Variants in ZNF804A observed in about 807,000 individuals in gnomAD.
ZNF804A encodes the protein zinc finger protein 804A.
In ZNF804A, 2 loss-of-function variants were observed where a neutral mutation model predicts 16.5. That is an observed-to-expected ratio of 0.12 (90% CI 0.05 to 0.38). The LOEUF is 0.38. Ranked by LOEUF, ZNF804A falls within the 10% of genes least tolerant of loss-of-function variation. ZNF804A has a pLI of 0.99. For missense variants in ZNF804A, 1,473 were observed against 1,390.7 expected, an observed-to-expected ratio of 1.06 and a Z score of -0.94; for synonymous variants, 534 against 489.6, an observed-to-expected ratio of 1.09 and a Z score of -1.20.
At chr2:184,616,685 C>T (rs1691326568) in intron 1 of ZNF804A, among the ~76,000 whole-genome samples, 1 of 152,056 alleles carries the variant, frequency 6.6e-6, no homozygotes, top group African/African-American at 2.4e-5. Flanking sequence ...CATAAATAGC[C>T]TATAAGTAGA....
At chr2:184,883,721 TG>T (rs932444729) in intron 2 of ZNF804A, among the ~76,000 whole-genome samples, 48 of 152,026 alleles carry the variant, frequency 3.2e-4, no homozygotes, top group Admixed American at 3.2e-3. Flanking sequence ...TCTCAATAGA[TG>T]AAGAAAAGGC....
chr2:184,772,757 T>A (rs894667705), intron 1 of ZNF804A, among the ~76,000 whole-genome samples: 1 of 151,612 alleles, frequency 6.6e-6, no homozygotes, highest in African/African-American at 2.4e-5. Flanking sequence ...GAGTTCCAAC[T>A]TTCCCATATC....
At chr2:184,639,454 G>A (rs909333781) in intron 1 of ZNF804A, among the ~76,000 whole-genome samples, 2 of 151,884 alleles carry the variant, frequency 1.3e-5, no homozygotes, top group African/African-American at 4.8e-5. Flanking sequence ...GAAACTTTAT[G>A]GCTGTTCTTA....
intron 2 of ZNF804A, among the ~76,000 whole-genome samples, chr2:184,906,451 A>T (rs78809566): frequency 0.063 from 9,513 of 151,956 alleles, 1,004 homozygotes; most frequent in African/African-American, 0.21. Context: ...AGGTGCACAC[A>T]AACAGGCCTA....
chr2:184,807,605 T>C (rs1204862833), intron 1 of ZNF804A, among the ~76,000 whole-genome samples: 1 of 151,846 alleles, frequency 6.6e-6, no homozygotes, highest in Non-Finnish European at 1.5e-5. Context: ...GAAAATGCTG[T>C]TTTAAAAAAT....
intron 1 of ZNF804A, among the ~76,000 whole-genome samples, chr2:184,723,247 T>C (rs989683118): frequency 3.3e-5 from 5 of 151,856 alleles, no homozygotes; most frequent in African/African-American, 1.2e-4. Context: ...GTTTATATGA[T>C]AGAAATTTTA....
At position 184,842,989 on chromosome 2, in the gene ZNF804A, A is replaced by C. The variant is rs1425724691; in HGVS notation, c.112-23380A>C. ...AGAGTCCACAGATTCTGGTGAGCTC[A>C]TGTCTTGCCCTTTACTTAAAACCCC... On this transcript the variant is annotated intron_variant, in intron 1 of 3. Coordinates refer to ENST00000302277, the MANE Select transcript of ZNF804A (RefSeq NM_194250.2). Among the ~76,000 whole-genome samples, 9 of 152,252 alleles carry C rather than the reference A, an allele frequency of 5.9e-5. No homozygotes were observed. The East Asian group carries it at 1.7e-3, about 30-fold the overall frequency.
intron 1 of ZNF804A, among the ~76,000 whole-genome samples, chr2:184,708,893 A>G (rs577576053): frequency 3.6e-4 from 55 of 152,088 alleles, no homozygotes; most frequent in African/African-American, 1.3e-3. Context: ...TCTTAAGTCT[A>G]TTTCAATCTT....
At chr2:184,769,053 C>T (rs1288065052) in intron 1 of ZNF804A, among the ~76,000 whole-genome samples, 2 of 151,942 alleles carry the variant, frequency 1.3e-5, no homozygotes, top group Admixed American at 1.3e-4. Flanking sequence ...TGCTTTTATT[C>T]ATATGTTTTA....
intron 1 of ZNF804A, among the ~76,000 whole-genome samples, chr2:184,792,077 G>A (rs1694552858): frequency 6.6e-6 from 1 of 152,104 alleles, no homozygotes; most frequent in Non-Finnish European, 1.5e-5. Context: ...ACCTACTGAA[G>A]GATATACTTC....
At chr2:184,711,949 G>T (rs1693135881) in intron 1 of ZNF804A, among the ~76,000 whole-genome samples, 1 of 151,514 alleles carries the variant, frequency 6.6e-6, no homozygotes, top group Non-Finnish European at 1.5e-5. Context: ...GATTGATTTG[G>T]ATTTTGTGAA....
At chr2:184,682,872 G>T (rs2105720158) in intron 1 of ZNF804A, among the ~76,000 whole-genome samples, 1 of 152,228 alleles carries the variant, frequency 6.6e-6, no homozygotes, top group Admixed American at 6.5e-5. Flanking sequence ...ACCCAGCATG[G>T]TGGTGTACCC....
In ZNF804A at chr2:184,731,366, C is replaced by G. The variant is rs189843420; in HGVS notation, c.111+132296C>G. ...TTCCCACTAGCAATAAATGAGAGTT[C>G]CCATTGCTCTACATCCTTGTCAGCA... On this transcript the variant is annotated intron_variant, in intron 1 of 3. Transcript: ENST00000302277. Among the ~76,000 whole-genome samples the G allele has an allele frequency of 5.9e-4, 89 of 150,644 alleles. 1 individual carries two copies. The highest frequency in any genetic ancestry group is 2.1e-4 in the South Asian group (1 of 4,758).
At chr2:184,676,486 T>A (rs1574157785) in intron 1 of ZNF804A, among the ~76,000 whole-genome samples, 1 of 151,784 alleles carries the variant, frequency 6.6e-6, no homozygotes, top group East Asian at 1.9e-4. Flanking sequence ...ATTAGGTTGA[T>A]AATTGAATCT....
intron 2 of ZNF804A, among the ~76,000 whole-genome samples, chr2:184,903,404 A>G (rs1195419611): frequency 1.3e-5 from 2 of 152,144 alleles, no homozygotes; most frequent in South Asian, 2.1e-4. Context: ...ACAATTGCCT[A>G]CAATATTTAG....
chr2:184,618,222 T>C (rs1410292890), intron 1 of ZNF804A, among the ~76,000 whole-genome samples: 1 of 152,110 alleles, frequency 6.6e-6, no homozygotes, highest in African/African-American at 2.4e-5. Context: ...GCAAAAATAA[T>C]TTGCTCTTTC....
chr2:184,627,351 A>G (rs1691522136), intron 1 of ZNF804A, among the ~76,000 whole-genome samples: 4 of 152,170 alleles, frequency 2.6e-5, no homozygotes, highest in East Asian at 3.8e-4. Context: ...AGAAAGATGA[A>G]TTTATATTTC....
At chr2:184,613,707 C>A (rs966477257) in intron 1 of ZNF804A, among the ~76,000 whole-genome samples, 2 of 152,030 alleles carry the variant, frequency 1.3e-5, no homozygotes, top group East Asian at 3.9e-4. Flanking sequence ...GAATAAAATA[C>A]CTAGGAATAC....
chr2:184,702,354 G>GT (rs1206224454), intron 1 of ZNF804A, among the ~76,000 whole-genome samples: 1 of 152,036 alleles, frequency 6.6e-6, no homozygotes, highest in Non-Finnish European at 1.5e-5. Flanking sequence ...TATGGTAGAA[G>GT]TTATGTGCAT....
Sources: allele counts gnomAD v4.1 joint callset (sites outside exome capture counted in the v4.1 genomes callset), GRCh38; gene constraint gnomAD v4.1.1; transcripts MANE v1.5; gene names NCBI Gene and HGNC (gene_info 2026-07-23, HGNC 2026-07-21).